The following TCEA3 variants were observed in gnomAD, a reference collection of about 807,000 sequenced individuals.
TCEA3 encodes transcription elongation factor A3.
TCEA3 carries 36 observed loss-of-function variants against 44.0 expected under a neutral mutation model. The ratio of observed to expected loss-of-function variants is 0.82; its 90% CI spans 0.63 to 1.08. TCEA3 has a LOEUF of 1.08. Ranked by LOEUF, TCEA3 falls within the 50% of genes least tolerant of loss-of-function variation. The pLI, the probability that TCEA3 is intolerant of heterozygous loss-of-function variation, is 0.00. For synonymous variants in TCEA3, 162 were observed against 159.7 expected, an observed-to-expected ratio of 1.01 and a Z score of -0.11; for missense variants, 392 against 441.2, an observed-to-expected ratio of 0.89 and a Z score of 1.00.
chr1:23,423,917 G>A lies in TCEA3; in HGVS notation c.69+648C>T. On this transcript the variant is annotated intron_variant, in intron 1 of 10. Coordinates refer to ENST00000450454, the MANE Select transcript of TCEA3 (RefSeq NM_003196.3). The stretch of plus-strand genomic sequence containing the variant: ...CCCTCGCTGCACAGGCCTCCAGCCC[G>A]GCCCCCTTCCCCCGCCCCGCGGGCC... 8.8e-6 allele frequency: 4 copies of A among 453,372 alleles called. 1 individual carries two copies. Among genetic ancestry groups the A allele is most frequent in the South Asian group, 6.2e-5 (4 of 64,396 alleles). The allele number at this position is 453,372 out of a possible 1,614,324, so 28.1% of individuals were successfully genotyped here.
chr1:23,424,463 C>T lies in TCEA3; in HGVS notation c.69+102G>A, dbSNP rs1044992698. ...CTCCCTCGGGTCCCCGAGTCCCGTA[C>T]GCGCCCCCATGGCGCCCCGCCAGTA... is the stretch of plus-strand genomic sequence containing the variant. On this transcript the variant is annotated intron_variant, in intron 1 of 10. Transcript: ENST00000450454. The T allele has an allele frequency of 1.7e-5, 18 of 1,075,290 alleles. No individual in the cohort carries two copies. In the African/African-American group the frequency reaches 2.7e-4, roughly 16 times the overall value. The allele number at this position is 1,075,290 out of a possible 1,614,324, so 66.6% of individuals were successfully genotyped here. A position where few individuals can be genotyped will look rare whatever the true frequency, so the allele number is the denominator to read the frequency against.
intron 4 of TCEA3, among the ~76,000 whole-genome samples, chr1:23,413,180 A>T (rs765741556): frequency 3.3e-5 from 5 of 152,108 alleles, no homozygotes; most frequent in Non-Finnish European, 5.9e-5. Flanking sequence ...CTCCTCACCC[A>T]GGCTGGAGTG....
At chr1:23,401,387 T>C (rs1010713876) in intron 5 of TCEA3, among the ~76,000 whole-genome samples, 1 of 152,194 alleles carries the variant, frequency 6.6e-6, no homozygotes, top group African/African-American at 2.4e-5. Context: ...CTTACTGTCC[T>C]AGATTAATCT....
rs78676947 is a variant in TCEA3 at position 23,404,308 on chromosome 1, C to G, written c.443+4356G>C. The G allele has an allele frequency of 6.2e-3, 4,032 of 652,962 alleles. 142 individuals are homozygous for G. The African/African-American group carries it at 0.064, about 10-fold the overall frequency. The allele number at this position is 652,962 out of a possible 1,614,324, so 40.4% of individuals were successfully genotyped here. A position where few individuals can be genotyped will look rare whatever the true frequency, so the allele number is the denominator to read the frequency against. ...AGCATCGTGCTCACTCCCACTTCCACACCTTTGGGTGTGCCATTTCTTTCT... is the reference window on the plus strand; with the variant it reads ...AGCATCGTGCTCACTCCCACTTCCAGACCTTTGGGTGTGCCATTTCTTTCT... On this transcript the variant is annotated intron_variant, in intron 5 of 10. Coordinates refer to ENST00000450454, the MANE Select transcript of TCEA3 (RefSeq NM_003196.3).
At chr1:23,389,579 G>A (rs1342800594) in intron 8 of TCEA3, among the ~76,000 whole-genome samples, 2 of 152,118 alleles carry the variant, frequency 1.3e-5, no homozygotes, top group African/African-American at 2.4e-5. Flanking sequence ...GAACCTGGGA[G>A]GTGGAGGGTG....
intron 4 of TCEA3, among the ~76,000 whole-genome samples, chr1:23,414,755 C>T (rs1419268127): frequency 1.3e-5 from 2 of 152,244 alleles, no homozygotes; most frequent in Admixed American, 6.5e-5. Context: ...AAGTAATTAT[C>T]TGTATTATAA....
Position 23,419,063 on chromosome 1 carries a change from C to A in TCEA3, c.132+14G>T. On this transcript the variant is annotated intron_variant, in intron 2 of 10. Coordinates refer to ENST00000450454, the MANE Select transcript of TCEA3 (RefSeq NM_003196.3). ...CCCCAGGCACTGTCCCAAGGCTTCC[C>A]ACCCCCGCCCCACCTGTAGTAGCTG... The A allele has an allele frequency of 1.6e-6, 2 of 1,234,228 alleles. No homozygotes were observed. Among genetic ancestry groups the A allele is most frequent in the Non-Finnish European group, 2.2e-6 (2 of 893,776 alleles). 76.5% of individuals were successfully genotyped at this position (1,234,228 alleles called of 1,614,324 possible). A position where few individuals can be genotyped will look rare whatever the true frequency, so the allele number is the denominator to read the frequency against.
intron 8 of TCEA3, among the ~76,000 whole-genome samples, chr1:23,391,030 G>A (rs1359296721): frequency 6.6e-6 from 1 of 152,014 alleles, no homozygotes; most frequent in East Asian, 1.9e-4. Flanking sequence ...TCAGGGAAGG[G>A]AGTTCTGAGA....
At chr1:23,424,112 C>A (rs1025681160) in intron 1 of TCEA3, among the ~76,000 whole-genome samples, 4 of 152,112 alleles carry the variant, frequency 2.6e-5, no homozygotes, top group Non-Finnish European at 5.9e-5. Context: ...AGCTCAGTAC[C>A]CCCGTCAGCC....
intron 5 of TCEA3, among the ~76,000 whole-genome samples, chr1:23,406,399 G>A (rs1395632176): frequency 6.6e-6 from 1 of 152,068 alleles, no homozygotes; most frequent in Non-Finnish European, 1.5e-5. Context: ...CCACCAAGGT[G>A]CCCCAAAACC....
chr1:23,392,612 AC>A (rs1436336315), intron 8 of TCEA3, among the ~76,000 whole-genome samples: 1 of 1,592 alleles, frequency 6.3e-4, no homozygotes, highest in African/African-American at 2.0e-3. Flanking sequence ...CACATCATAC[AC>A]ACACACACAC....
intron 8 of TCEA3, among the ~76,000 whole-genome samples, chr1:23,391,153 T>C (rs866124139): frequency 0.015 from 2,231 of 144,860 alleles, 39 homozygotes; most frequent in African/African-American, 0.053. Context: ...TCTTTCTTTT[T>C]TTTTTTTTTT....
chr1:23,419,135 C>A lies in TCEA3; in HGVS notation c.74G>T (p.Gly25Val). 1 of 1,593,890 alleles carries A rather than the reference C, an allele frequency of 6.3e-7. No homozygotes were observed. Among genetic ancestry groups the A allele is most frequent in the Non-Finnish European group, 8.5e-7 (1 of 1,170,036 alleles). Residue 25 changes from glycine to valine, a missense_variant, in exon 2 of 11, where the codon GGG becomes GTG. Transcript: ENST00000450454. ...EKMVARKNTEGALDLLKKLHS... is the reference protein window; with the variant it reads ...EKMVARKNTEVALDLLKKLHS... ...CAGCTTCTTCAGAAGGTCCAGGGCC[C>A]CTTCCTGTGGGAGGCCACAAGGTGA... is the stretch of plus-strand genomic sequence containing the variant.
intron 10 of TCEA3, chr1:23,383,734 C>T: frequency 2.0e-6 from 2 of 985,578 alleles, no homozygotes; most frequent in Non-Finnish European, 2.4e-6. Flanking sequence ...TGACCACACT[C>T]TGTTCCTTCA....
chr1:23,424,463 C>G (rs1044992698), intron 1 of TCEA3, 102 bp downstream of exon 1: 1 of 1,075,290 alleles, frequency 9.3e-7, no homozygotes, highest in Non-Finnish European at 1.4e-6. Flanking sequence ...GAGTCCCGTA[C>G]GCGCCCCCAT....
At position 23,403,981 on chromosome 1, in the gene TCEA3, G is replaced by C. The variant is rs1639470308; in HGVS notation, c.443+4683C>G. On this transcript the variant is annotated intron_variant, in intron 5 of 10. Transcript: ENST00000450454. ...CCAAACTGCAGAGAGGGCATCATCG[G>C]CCGGGGTGGGAGGTTGGATTTATCA... The C allele has an allele frequency of 9.6e-6, 6 of 625,794 alleles. No homozygotes were observed. In the Admixed American group the frequency reaches 1.4e-4, roughly 15 times the overall value. The allele number at this position is 625,794 out of a possible 1,614,324, so 38.8% of individuals were successfully genotyped here. A position where few individuals can be genotyped will look rare whatever the true frequency, so the allele number is the denominator to read the frequency against.
At position 23,408,127 on chromosome 1, in the gene TCEA3, A is replaced by G. The variant is rs112791517; in HGVS notation, c.443+537T>C. Among the ~76,000 whole-genome samples, 937 of 152,000 alleles carry G rather than the reference A, an allele frequency of 6.2e-3. 7 individuals are homozygous for G. The highest frequency in any genetic ancestry group is 0.011 in the Non-Finnish European group (728 of 67,920). On this transcript the variant is annotated intron_variant, in intron 5 of 10. Coordinates refer to ENST00000450454, the MANE Select transcript of TCEA3 (RefSeq NM_003196.3). ...CAGGTGCCCACCACCATGCCTGGCT[A>G]ATTTTTGTATTTTTAGTAGAGGCGG... is the stretch of plus-strand genomic sequence containing the variant.
At chr1:23,400,632 C>T (rs1214694891) in intron 5 of TCEA3, among the ~76,000 whole-genome samples, 1 of 152,040 alleles carries the variant, frequency 6.6e-6, no homozygotes, top group African/African-American at 2.4e-5. Flanking sequence ...CCTCCTTTTT[C>T]AATAACCCAT....
chr1:23,396,346 G>A (rs1354232722), intron 7 of TCEA3, among the ~76,000 whole-genome samples: 6 of 152,124 alleles, frequency 3.9e-5, no homozygotes, highest in Admixed American at 3.9e-4. Context: ...TTTGTCTCTA[G>A]TAAAAGAAGC....
Sources: allele counts gnomAD v4.1 joint callset (sites outside exome capture counted in the v4.1 genomes callset), GRCh38; gene constraint gnomAD v4.1.1; transcripts MANE v1.5; gene names NCBI Gene and HGNC (gene_info 2026-07-23, HGNC 2026-07-21).